The following FGF12 variants were observed in gnomAD, a reference collection of about 807,000 sequenced individuals.
The protein encoded by FGF12 is fibroblast growth factor 12, also known as fibroblast growth factor 12B.
A neutral mutation model predicts 23.6 loss-of-function variants in FGF12; 14 were observed. That is an observed-to-expected ratio of 0.59 (90% CI 0.39 to 0.93). The LOEUF (loss-of-function observed/expected upper bound fraction) is 0.93, where lower values mean the gene tolerates loss of function less well. Ranked by LOEUF, FGF12 falls within the 40% of genes least tolerant of loss-of-function variation. The probability of loss-of-function intolerance (pLI) is 0.00; values close to 1 mark genes in which losing one functional copy is unlikely to be tolerated. For missense variants in FGF12, 175 were observed against 217.8 expected (o/e 0.80, Z 1.24); for synonymous variants, 62 against 77.3 (o/e 0.80, Z 1.04).
At chr3:192,268,321 C>T (rs931557996) in intron 4 of FGF12, among the ~76,000 whole-genome samples, 3 of 152,146 alleles carry the variant, frequency 2.0e-5, no homozygotes, top group African/African-American at 7.2e-5. Flanking sequence ...TTATCTAAAA[C>T]TAGATTTAAC....
Position 192,313,067 on chromosome 3 carries a change from A to G in FGF12, c.228+22294T>C, listed in dbSNP as rs952532722. 5.3e-5 allele frequency among the ~76,000 whole-genome samples: 8 copies of G among 152,316 alleles called. No homozygotes were observed. In the East Asian group the frequency reaches 5.8e-4, roughly 11 times the overall value. The stretch of plus-strand genomic sequence containing the variant: ...GTATTACATCCTTAAAGAAATTTCC[A>G]GAGAAATTCTGTCGAAATTAGTTTC... On this transcript the variant is annotated intron_variant, in intron 4 of 5. Transcript: ENST00000445105.
At chr3:192,624,172 G>C (rs1345570650) in intron 2 of FGF12, among the ~76,000 whole-genome samples, 1 of 151,634 alleles carries the variant, frequency 6.6e-6, no homozygotes, top group Non-Finnish European at 1.5e-5. Flanking sequence ...CAACCCAGTA[G>C]CAAATGCGGA....
At chr3:192,342,602 C>G (rs1457254391) in intron 3 of FGF12, among the ~76,000 whole-genome samples, 4 of 152,012 alleles carry the variant, frequency 2.6e-5, no homozygotes. Context: ...GAGACTCCAT[C>G]TCTGTAAAAA....
intron 4 of FGF12, among the ~76,000 whole-genome samples, chr3:192,199,533 C>A (rs1717251352): frequency 6.6e-6 from 1 of 152,166 alleles, no homozygotes; most frequent in South Asian, 2.1e-4. Flanking sequence ...GTATATGTGG[C>A]CTTCTTTCAC....
chr3:192,459,456 A>C (rs560364771), intron 2 of FGF12, among the ~76,000 whole-genome samples: 1 of 152,236 alleles, frequency 6.6e-6, no homozygotes, highest in Non-Finnish European at 1.5e-5. Flanking sequence ...ATGATGCTAC[A>C]TTCAAAATGA....
chr3:192,536,919 T>G (rs1725237617), intron 2 of FGF12, among the ~76,000 whole-genome samples: 1 of 152,114 alleles, frequency 6.6e-6, no homozygotes, highest in Non-Finnish European at 1.5e-5. Flanking sequence ...CAACTACATT[T>G]TTGTACTCAT....
chr3:192,216,622 T>C (rs1718206601), intron 4 of FGF12, among the ~76,000 whole-genome samples: 1 of 152,178 alleles, frequency 6.6e-6, no homozygotes, highest in African/African-American at 2.4e-5. Context: ...ATTATTGACA[T>C]TTGGTAGGAT....
chr3:192,442,105 A>G (rs1722218070), intron 2 of FGF12, among the ~76,000 whole-genome samples: 1 of 152,248 alleles, frequency 6.6e-6, no homozygotes. Context: ...CTAGAGACAG[A>G]GGACAGAGGA....
At chr3:192,434,841 A>G (rs986366672) in intron 2 of FGF12, among the ~76,000 whole-genome samples, 21 of 152,034 alleles carry the variant, frequency 1.4e-4, no homozygotes, top group Non-Finnish European at 2.6e-4. Flanking sequence ...TAAAAAAAAA[A>G]CAAGAAAGAT....
At chr3:192,643,348 G>A (rs1715876571) in intron 2 of FGF12, among the ~76,000 whole-genome samples, 1 of 152,178 alleles carries the variant, frequency 6.6e-6, no homozygotes, top group African/African-American at 2.4e-5. Context: ...TAGTCCAACT[G>A]TCTTAATCAG....
chr3:192,439,422 T>C (rs1461837395), intron 2 of FGF12, among the ~76,000 whole-genome samples: 2 of 152,090 alleles, frequency 1.3e-5, no homozygotes, highest in Non-Finnish European at 2.9e-5. Context: ...TAAAGGTCCT[T>C]TTAAAGCCAC....
intron 2 of FGF12, among the ~76,000 whole-genome samples, chr3:192,718,974 T>G (rs943944566): frequency 1.3e-5 from 2 of 150,398 alleles, no homozygotes; most frequent in African/African-American, 4.9e-5. Context: ...AAATCAATAA[T>G]GGGCAAACCG....
chr3:192,263,209 G>A (rs958491473), intron 4 of FGF12, among the ~76,000 whole-genome samples: 10 of 152,056 alleles, frequency 6.6e-5, no homozygotes, highest in Non-Finnish European at 1.3e-4. Context: ...ATTGTAAAAT[G>A]TTGAGTATGA....
intron 4 of FGF12, among the ~76,000 whole-genome samples, chr3:192,190,607 C>T (rs1364550933): frequency 1.3e-5 from 2 of 151,194 alleles, no homozygotes; most frequent in Admixed American, 1.3e-4. Context: ...TCCCGAGTAG[C>T]TGGGACTACA....
intron 2 of FGF12, among the ~76,000 whole-genome samples, chr3:192,638,031 T>G (rs1177716867): frequency 6.6e-6 from 1 of 152,224 alleles, no homozygotes; most frequent in African/African-American, 2.4e-5. Context: ...GGCTTTCACA[T>G]TATTGCAAGT....
intron 4 of FGF12, among the ~76,000 whole-genome samples, chr3:192,213,689 C>A (rs964099772): frequency 2.0e-5 from 3 of 152,190 alleles, no homozygotes; most frequent in Non-Finnish European, 2.9e-5. Flanking sequence ...AGGAGTTTAT[C>A]CTCCAGAGAG....
chr3:192,453,508 T>C lies in FGF12; in HGVS notation c.14-92970A>G, dbSNP rs181395080. Among the ~76,000 whole-genome samples, 256 of 152,322 alleles carry C rather than the reference T, an allele frequency of 1.7e-3. 1 individual carries two copies. Among genetic ancestry groups the C allele is most frequent in the African/African-American group, 5.5e-3 (228 of 41,562 alleles). On this transcript the variant is annotated intron_variant, in intron 2 of 5. Coordinates refer to ENST00000445105, the MANE Select transcript of FGF12 (RefSeq NM_004113.6). ...AACTTCAAGGTCATATCTGATTCTA[T>C]CTAATATCTTTACATTCTGAGGATC...
rs1713199307 is a variant in FGF12, at chr3:192,268,199, T to G, written c.228+67162A>C. Among the ~76,000 whole-genome samples, 3 of 152,190 alleles carry G rather than the reference T, an allele frequency of 2.0e-5. 1 individual carries two copies. In the South Asian group the frequency reaches 6.2e-4, roughly 32 times the overall value. ...ATAGGCTAGAGGATTACAAACTGAT[T>G]ACCCAGACTGCACTTCTCTGCCCTA... On this transcript the variant is annotated intron_variant, in intron 4 of 5. Transcript: ENST00000445105.
At position 192,360,593 on chromosome 3, in the gene FGF12, T is replaced by G; in HGVS notation, c.14-55A>C. 8.4e-7 allele frequency: 1 copy of G among 1,183,804 alleles called. No homozygotes were observed. The highest frequency in any genetic ancestry group is 1.3e-6 in the Non-Finnish European group (1 of 789,612). 73.3% of individuals were successfully genotyped at this position (1,183,804 alleles called of 1,614,324 possible). ...TATTTGGCTTACACAAATGCACACT[T>G]ACAGATTGTTAAAAACATCCTGTAA... is the stretch of plus-strand genomic sequence containing the variant. On this transcript the variant is annotated intron_variant, in intron 2 of 5. Transcript: ENST00000445105. The surrounding 1 kb of genome is among the most constrained non-coding windows in gnomAD (Gnocchi z 4.3).
Sources: allele counts gnomAD v4.1 joint callset (sites outside exome capture counted in the v4.1 genomes callset), GRCh38; gene constraint gnomAD v4.1.1; non-coding constraint Gnocchi (gnomAD v3.1); transcripts MANE v1.5; gene names NCBI Gene and HGNC (gene_info 2026-07-23, HGNC 2026-07-21).